Variants in SPAG17 observed in about 807,000 individuals in gnomAD.
SPAG17 encodes sperm associated antigen 17.
A neutral mutation model predicts 273.6 loss-of-function variants in SPAG17; 169 were observed. The observed-to-expected ratio is 0.62, with a 90% confidence interval of 0.55 to 0.70. SPAG17 has a LOEUF of 0.70. SPAG17 is among the 30% of genes least tolerant of loss of function. The pLI, the probability that SPAG17 is intolerant of heterozygous loss-of-function variation, is 0.00. For synonymous variants in SPAG17, 825 were observed against 873.2 expected (o/e 0.94, Z 0.97); for missense variants, 2,557 against 2,627.8 (o/e 0.97, Z 0.59).
At chr1:118,168,647 G>A (rs1179576944) in intron 1 of SPAG17, among the ~76,000 whole-genome samples, 1 of 152,186 alleles carries the variant, frequency 6.6e-6, no homozygotes, top group Non-Finnish European at 1.5e-5. Flanking sequence ...AGCAGTGCTG[G>A]AACATATATT....
At chr1:118,089,070 A>C (rs888594151) in intron 10 of SPAG17, among the ~76,000 whole-genome samples, 20 of 152,130 alleles carry the variant, frequency 1.3e-4, no homozygotes, top group Admixed American at 2.0e-4. Flanking sequence ...GGGAAGAAAA[A>C]AATAGCTGAT....
chr1:118,077,611 TA>T (rs1654208463), intron 15 of SPAG17, among the ~76,000 whole-genome samples: 1 of 152,134 alleles, frequency 6.6e-6, no homozygotes. Context: ...GACTCTATAT[TA>T]ACCCAGAGTG....
In SPAG17 at chr1:118,073,917, T is replaced by C; in HGVS notation, c.2322A>G (p.Thr774=). 1.3e-6 allele frequency: 2 copies of C among 1,575,180 alleles called. No individual in the cohort carries two copies. Among genetic ancestry groups the C allele is most frequent in the Non-Finnish European group, 1.7e-6 (2 of 1,167,354 alleles). The change falls in exon 17 of 49, where the codon ACA becomes ACG. Residue 774 remains threonine, a synonymous_variant. Coordinates refer to ENST00000336338, the MANE Select transcript of SPAG17 (RefSeq NM_206996.4). ...VEADLEDIKK[T]QQRSLMDWSF... ...TCCAGTCCATTAGACTGCGCTGCTG[T>C]GTTTTCTTTATGTCCTCTAAATCTG... is the stretch of plus-strand genomic sequence containing the variant.
Position 118,093,235 on chromosome 1 carries a change from T to C in SPAG17, c.1094A>G (p.Tyr365Cys), listed in dbSNP as rs957828715. 1 of 1,613,798 alleles carries C rather than the reference T, an allele frequency of 6.2e-7. No homozygotes were observed. Among genetic ancestry groups the C allele is most frequent in the Non-Finnish European group, 8.5e-7 (1 of 1,179,814 alleles). ...ATTAATAAGCTGCATGCTTTCCAAA[T>C]AGTGCTGGTGCTGCCTTTTCCAATC... The part of the protein sequence containing the change: ...ILDWKRQHQH[Y>C]LESMQLINVP... The change falls in exon 8 of 49, where the codon TAT (tyrosine) becomes TGT (cysteine). Residue 365 changes from tyrosine (Y) to cysteine (C), a missense_variant. Tyr to Cys is a radical substitution (Grantham distance 194). Transcript: ENST00000336338.
chr1:118,184,858 C>T lies in SPAG17; in HGVS notation c.87+213G>A, dbSNP rs147932246. On this transcript the variant is annotated intron_variant, in intron 1 of 48. Coordinates refer to ENST00000336338, the MANE Select transcript of SPAG17 (RefSeq NM_206996.4). ...TTCCCCACTAGGCAGTTCTCACCAA[C>T]CTTTGAAATCACACTGACTCACCTG... Among the ~76,000 whole-genome samples, 713 of 152,328 alleles carry T rather than the reference C, an allele frequency of 4.7e-3. 10 individuals carry two copies. The highest frequency in any genetic ancestry group is 0.016 in the African/African-American group (685 of 41,572).
In SPAG17 at chr1:118,173,566, G is replaced by C. The variant is rs560240180; in HGVS notation, c.87+11505C>G. 1.9e-3 allele frequency among the ~76,000 whole-genome samples: 290 copies of C among 152,182 alleles called. 2 individuals carry two copies. Among genetic ancestry groups the C allele is most frequent in the Admixed American group, 6.7e-3 (103 of 15,270 alleles). On this transcript the variant is annotated intron_variant, in intron 1 of 48. Transcript: ENST00000336338. ...TGGATGCCTGAGGAAAGAGATTATG[G>C]GCAGAGGAATACAACGACACATCTA...
Position 117,983,884 on chromosome 1 carries a change from T to C in SPAG17, c.5799A>G (p.Lys1933=). The change falls in exon 42 of 49, where the codon AAA becomes AAG. Residue 1933 remains lysine (K), a synonymous_variant. Coordinates refer to ENST00000336338, the MANE Select transcript of SPAG17 (RefSeq NM_206996.4). ...CATTTTTCTTTGTAAAAGAAGGCAG[T>C]TTTTTGGAAAGACTGTCCAGGTGAT... ...QYNHLDSLSK[K]LPSFTKKNED... is the part of the protein sequence containing the mutation. 5 of 1,612,162 alleles carry C rather than the reference T, an allele frequency of 3.1e-6. No individual in the cohort carries two copies. The highest frequency in any genetic ancestry group is 4.2e-6 in the Non-Finnish European group (5 of 1,178,834).
chr1:118,066,995 C>T (rs1653047819), intron 17 of SPAG17, 96 bp from the exon 18 acceptor site: 6 of 1,126,200 alleles, frequency 5.3e-6, no homozygotes, highest in Non-Finnish European at 7.4e-6. Context: ...TTTTTTCCTA[C>T]ATTCACCTCT....
At chr1:118,081,839 C>T (rs1654604298) in intron 13 of SPAG17, among the ~76,000 whole-genome samples, 197 bp from the exon 14 acceptor site, 1 of 152,178 alleles carries the variant, frequency 6.6e-6, no homozygotes, top group Non-Finnish European at 1.5e-5. Context: ...GCAAACAACA[C>T]AGTAAAGATA....
intron 47 of SPAG17, 21 bp from the exon 48 acceptor site, chr1:117,963,959 T>C: frequency 6.3e-7 from 1 of 1,599,570 alleles, no homozygotes; most frequent in Non-Finnish European, 8.5e-7. Context: ...TGTTAAGGGC[T>C]GTGCTTTTCA....
intron 3 of SPAG17, among the ~76,000 whole-genome samples, chr1:118,127,281 A>C (rs1417413075): frequency 1.3e-5 from 2 of 152,038 alleles, no homozygotes; most frequent in Non-Finnish European, 2.9e-5. Context: ...TAAAGAGAAG[A>C]GGTTTAATTG....
chr1:118,042,763 T>C (rs1476132397), intron 20 of SPAG17, among the ~76,000 whole-genome samples: 1 of 152,186 alleles, frequency 6.6e-6, no homozygotes, highest in Non-Finnish European at 1.5e-5. Context: ...AAGTAACCAA[T>C]GGAATCCTCT....
chr1:117,964,033 G>C (rs1253493343), intron 47 of SPAG17, 95 bp from the exon 48 acceptor site: 1 of 1,392,180 alleles, frequency 7.2e-7, no homozygotes, highest in Non-Finnish European at 9.8e-7. Context: ...TTCTTCTCTG[G>C]CAACATCAGT....
intron 24 of SPAG17, among the ~76,000 whole-genome samples, chr1:118,034,108 C>T (rs1032194926): frequency 6.6e-6 from 1 of 152,126 alleles, no homozygotes; most frequent in African/African-American, 2.4e-5. Flanking sequence ...TGGAAATTCC[C>T]CTCCTCATCC....
chr1:118,136,832 T>TGTGTGTGTG (rs1558037921), intron 3 of SPAG17, among the ~76,000 whole-genome samples: 1 of 150,034 alleles, frequency 6.7e-6, no homozygotes, highest in Non-Finnish European at 1.5e-5. Flanking sequence ...TGTGTGTGTG[T>TGTGTGTGTG]TTTTAATGAT....
intron 4 of SPAG17, among the ~76,000 whole-genome samples, chr1:118,105,084 G>A (rs1215804947): frequency 6.6e-6 from 1 of 152,138 alleles, no homozygotes; most frequent in East Asian, 1.9e-4. Context: ...AGAAGGAGAG[G>A]GAATTTCTTA....
At chr1:118,160,418 G>A (rs561397645) in intron 1 of SPAG17, among the ~76,000 whole-genome samples, 1 of 152,120 alleles carries the variant, frequency 6.6e-6, no homozygotes, top group African/African-American at 2.4e-5. Context: ...TGGATTTGTT[G>A]TGCCTTGGCA....
At chr1:118,019,283 G>C (rs1241282294) in intron 28 of SPAG17, among the ~76,000 whole-genome samples, 3 of 151,724 alleles carry the variant, frequency 2.0e-5, no homozygotes, top group Non-Finnish European at 4.4e-5. Context: ...CCAAAAATAT[G>C]ACTAAAAAGA....
At chr1:118,009,964 G>A (rs536221814) in intron 30 of SPAG17, among the ~76,000 whole-genome samples, 1 of 152,008 alleles carries the variant, frequency 6.6e-6, no homozygotes, top group East Asian at 1.9e-4. Flanking sequence ...AAACCTGGAG[G>A]ACATTATTTT....
Sources: gnomAD v4.1 joint callset for allele counts (sites outside exome capture counted in the v4.1 genomes callset) on GRCh38, gnomAD v4.1.1 for gene constraint, MANE v1.5 for transcripts, NCBI Gene and HGNC (gene_info 2026-07-23, HGNC 2026-07-21) for gene names.